The following COBL variants were observed in gnomAD, a reference collection of about 807,000 sequenced individuals.
COBL encodes cordon-bleu WH2 repeat protein, also known as protein cordon-bleu.
COBL carries 51 observed loss-of-function variants against 98.8 expected under a neutral mutation model. That is an observed-to-expected ratio of 0.52 (90% CI 0.41 to 0.65). COBL has a LOEUF of 0.65. Ranked by LOEUF, COBL falls within the 30% of genes least tolerant of loss-of-function variation. The pLI, the probability that COBL is intolerant of heterozygous loss-of-function variation, is 0.00. For synonymous variants in COBL, 634 were observed against 651.7 expected (o/e 0.97, Z 0.41); for missense variants, 1,617 against 1,617.5 (o/e 1.00, Z 0.01).
At chr7:51,107,087 TG>T (rs374116913) in intron 6 of COBL, among the ~76,000 whole-genome samples, 42,294 of 127,206 alleles carry the variant, frequency 0.33, 8,129 homozygotes, top group East Asian at 0.45. Flanking sequence ...GATCCTAGTT[TG>T]TTTGTTTTTT....
intron 5 of COBL, among the ~76,000 whole-genome samples, chr7:51,154,496 A>G (rs1278955758): frequency 6.6e-6 from 1 of 152,232 alleles, no homozygotes; most frequent in Non-Finnish European, 1.5e-5. Flanking sequence ...CTGTACTTCA[A>G]TAAAACAATA....
rs76504896 is a variant in COBL at position 51,161,173 on chromosome 7, A to G, written c.783+22929T>C. Among the ~76,000 whole-genome samples the G allele has an allele frequency of 6.8e-3, 1,032 of 152,204 alleles. 2 individuals carry two copies. The highest frequency in any genetic ancestry group is 8.9e-3 in the Non-Finnish European group (606 of 68,022). On this transcript the variant is annotated intron_variant, in intron 5 of 12. Transcript: ENST00000265136. ...GATTTGAGCTTTTCCAGGCCCAGAAAAGCTCGCGAGGGGATTTGCTGTGTG... is the reference window on the plus strand; with the variant it reads ...GATTTGAGCTTTTCCAGGCCCAGAAGAGCTCGCGAGGGGATTTGCTGTGTG...
chr7:51,296,033 T>C (rs1378959262), intron 1 of COBL, among the ~76,000 whole-genome samples: 1 of 152,202 alleles, frequency 6.6e-6, no homozygotes, highest in Non-Finnish European at 1.5e-5. Flanking sequence ...AAACCTGACT[T>C]ATCTAAGCCC....
intron 1 of COBL, among the ~76,000 whole-genome samples, chr7:51,256,761 T>C (rs770000615): frequency 1.3e-5 from 2 of 152,214 alleles, no homozygotes; most frequent in East Asian, 1.9e-4. Context: ...TAAATGATGA[T>C]AGGTGCTCTA....
chr7:51,100,627 G>A (rs1795721100), intron 6 of COBL, among the ~76,000 whole-genome samples: 1 of 152,208 alleles, frequency 6.6e-6, no homozygotes, highest in Admixed American at 6.5e-5. Context: ...TTGGCTGAGT[G>A]CAGTGGCTCA....
intron 1 of COBL, among the ~76,000 whole-genome samples, chr7:51,252,508 T>C (rs1796814931): frequency 1.3e-5 from 2 of 152,206 alleles, no homozygotes; most frequent in African/African-American, 4.8e-5. Context: ...ACTGGCTTCT[T>C]TCACTTAGCC....
intron 1 of COBL, among the ~76,000 whole-genome samples, chr7:51,268,098 T>G (rs1181994486): frequency 6.6e-6 from 1 of 152,058 alleles, no homozygotes. Flanking sequence ...GCAGGCGCTG[T>G]GTCCGCTGCG....
chr7:51,259,006 G>C (rs1459262329), intron 1 of COBL, among the ~76,000 whole-genome samples: 1 of 151,926 alleles, frequency 6.6e-6, no homozygotes, highest in Non-Finnish European at 1.5e-5. Flanking sequence ...ACCCAATCTC[G>C]GCCGAGCGCG....
At chr7:51,223,390 T>A (rs1208900317) in intron 1 of COBL, among the ~76,000 whole-genome samples, 2 of 152,270 alleles carry the variant, frequency 1.3e-5, no homozygotes, top group Non-Finnish European at 2.9e-5. Flanking sequence ...TGCCTGGACA[T>A]CTTCACAGTA....
intron 1 of COBL, among the ~76,000 whole-genome samples, chr7:51,284,196 G>A (rs1389850542): frequency 6.6e-6 from 1 of 151,242 alleles, no homozygotes; most frequent in Non-Finnish European, 1.5e-5. Flanking sequence ...AGCTACTCGG[G>A]AGGCTGAGGC....
At chr7:51,243,798 G>A (rs554969751) in intron 1 of COBL, among the ~76,000 whole-genome samples, 1 of 152,114 alleles carries the variant, frequency 6.6e-6, no homozygotes, top group South Asian at 2.1e-4. Flanking sequence ...GTCTTGGGGT[G>A]AAGGAGCGGT....
Position 51,152,789 on chromosome 7 carries a change from T to C in COBL, c.784-16458A>G, listed in dbSNP as rs573834209. Among the ~76,000 whole-genome samples the C allele has an allele frequency of 7.2e-5, 11 of 152,342 alleles. No individual in the cohort carries two copies. In the East Asian group the frequency reaches 2.1e-3, roughly 29 times the overall value. ...CATCCTTGTTGTATGATTTGTCTGG[T>C]GGATTCAGGGCCCTGTTGGGGCAGA... On this transcript the variant is annotated intron_variant, in intron 5 of 12. Coordinates refer to ENST00000265136, the MANE Select transcript of COBL (RefSeq NM_015198.5).
At chr7:51,124,730 C>T (rs776983495) in intron 6 of COBL, among the ~76,000 whole-genome samples, 2 of 152,320 alleles carry the variant, frequency 1.3e-5, no homozygotes, top group East Asian at 1.9e-4. Flanking sequence ...CCTTCAGTTC[C>T]TCATGGAAAC....
At chr7:51,172,474 G>A (rs1478019133) in intron 5 of COBL, 2 of 1,288,066 alleles carry the variant, frequency 1.6e-6, no homozygotes, top group African/African-American at 3.0e-5. Flanking sequence ...CCCTTCCTGG[G>A]GCAGCCCTGG....
At chr7:51,208,395 TCAGCCCCCCGCCCGGC>T (rs1563040179) in intron 2 of COBL, among the ~76,000 whole-genome samples, 1 of 119,342 alleles carries the variant, frequency 8.4e-6, no homozygotes, top group African/African-American at 3.1e-5. Context: ...GTGGGGGGGG[TCAGCCCCCCGCCCGGC>T]CAGCCGCCCC....
intron 1 of COBL, among the ~76,000 whole-genome samples, chr7:51,223,078 T>C (rs753678457): frequency 6.6e-6 from 1 of 152,178 alleles, no homozygotes; most frequent in Non-Finnish European, 1.5e-5. Flanking sequence ...CTCCACAGTG[T>C]GACTAGGAGC....
intron 5 of COBL, chr7:51,156,698 T>TCA (rs68039377): frequency 0.027 from 4,621 of 170,026 alleles, 99 homozygotes; most frequent in African/African-American, 0.07. Flanking sequence ...AAACCACCCT[T>TCA]CACACACACA....
chr7:51,182,646 G>C (rs558140757), intron 5 of COBL, among the ~76,000 whole-genome samples: 1 of 96,126 alleles, frequency 1.0e-5, no homozygotes, highest in Non-Finnish European at 2.7e-5. Context: ...GAGGAGGAGG[G>C]AGAGTAGGGG....
rs577196035 is a variant in COBL, at chr7:51,046,912, G to A, written c.1097-3220C>T. On this transcript the variant is annotated intron_variant, in intron 7 of 12. Transcript: ENST00000265136. ...TGTAAAATAAGCAGTTGGCTCTGACGGGCTCTAAAATCCCTTCTAGAGTGG... is the reference window on the plus strand; with the variant it reads ...TGTAAAATAAGCAGTTGGCTCTGACAGGCTCTAAAATCCCTTCTAGAGTGG... Among the ~76,000 whole-genome samples, 568 of 152,230 alleles carry A rather than the reference G, an allele frequency of 3.7e-3. 2 individuals are homozygous for A. The highest frequency in any genetic ancestry group is 0.013 in the African/African-American group (533 of 41,532).
Sources: gnomAD v4.1 joint callset for allele counts (sites outside exome capture counted in the v4.1 genomes callset) on GRCh38, gnomAD v4.1.1 for gene constraint, MANE v1.5 for transcripts, NCBI Gene and HGNC (gene_info 2026-07-23, HGNC 2026-07-21) for gene names.